CDH23: variants seen among roughly 807,000 people sequenced by gnomAD.
CDH23 encodes cadherin-23.
In CDH23, 189 loss-of-function variants were observed where a neutral mutation model predicts 317.1. The observed-to-expected ratio is 0.60, with a 90% confidence interval of 0.53 to 0.67. The LOEUF (loss-of-function observed/expected upper bound fraction) is 0.67, where lower values mean the gene tolerates loss of function less well. Among genes scored for constraint, CDH23 ranks in the 30% least tolerant of loss-of-function variants. The pLI is 0.00. For synonymous variants in CDH23, 1,839 were observed against 1,876.8 expected (o/e 0.98, Z 0.52); for missense variants, 4,401 against 4,592.4 (o/e 0.96, Z 1.20).
intron 34 of CDH23, chr10:71,737,637 G>A (rs537322695): frequency 5.6e-5 from 26 of 463,580 alleles, no homozygotes; most frequent in South Asian, 3.6e-4. Flanking sequence ...CTGGCCTGGG[G>A]CAGGGCAGTG....
chr10:71,674,781 A>C (rs10823821), intron 14 of CDH23, among the ~76,000 whole-genome samples: 57,098 of 152,090 alleles, frequency 0.38, 12,170 homozygotes, highest in Non-Finnish European at 0.49. Context: ...TGCCAGGGAC[A>C]ATATGGAAGC....
rs1858335691 is a variant in CDH23 at position 71,577,969 on chromosome 10, G to A, written c.809G>A (p.Gly270Asp). 6.2e-7 allele frequency: 1 copy of A among 1,603,360 alleles called. No homozygotes were observed. Among genetic ancestry groups the A allele is most frequent in the Non-Finnish European group, 8.5e-7 (1 of 1,175,108 alleles). ...AIDQDKGRPR[G>D]IGYTIVSGNT... The stretch of plus-strand genomic sequence containing the variant: ...GACCAGGATAAAGGACGTCCCCGGG[G>A]CATTGGCTACACCATCGTTTCAGGT... Residue 270 changes from glycine (G) to aspartate (D), a missense_variant, in exon 9 of 70, where the codon GGC (glycine) becomes GAC (aspartate). Transcript: ENST00000224721.
chr10:71,442,129 G>C (rs914987459), intron 2 of CDH23, among the ~76,000 whole-genome samples: 1 of 152,318 alleles, frequency 6.6e-6, no homozygotes, highest in Admixed American at 6.5e-5. Context: ...TTCTCTAAGG[G>C]GAGCAAAATG....
chr10:71,610,407 G>A (rs1233634104), intron 9 of CDH23, among the ~76,000 whole-genome samples: 1 of 152,178 alleles, frequency 6.6e-6, no homozygotes, highest in East Asian at 1.9e-4. Context: ...CATAGCACAG[G>A]GCCAGGTGCA....
At chr10:71,461,361 G>A (rs1850974830) in intron 3 of CDH23, among the ~76,000 whole-genome samples, 1 of 152,202 alleles carries the variant, frequency 6.6e-6, no homozygotes, top group South Asian at 2.1e-4. Flanking sequence ...CAGTTCTATG[G>A]GTGATGCCTT....
chr10:71,609,311 T>TCCCTCC lies in CDH23; in HGVS notation c.833-6192_833-6187dup, dbSNP rs1206138489. On this transcript the variant is annotated intron_variant, in intron 9 of 69. Coordinates refer to ENST00000224721, the MANE Select transcript of CDH23 (RefSeq NM_022124.6). ...TTCTCTCTCCCTCTCCCTCTCCCTC[T>TCCCTCC]CCCTCCGACCACCTAGAAAACAGCA... Among the ~76,000 whole-genome samples the TCCCTCC allele has an allele frequency of 6.1e-5, 9 of 148,756 alleles. No homozygotes were observed. In the East Asian group the frequency reaches 1.2e-3, roughly 20 times the overall value.
At chr10:71,560,888 A>G (rs2132340628) in intron 6 of CDH23, among the ~76,000 whole-genome samples, 1 of 152,360 alleles carries the variant, frequency 6.6e-6, no homozygotes, top group African/African-American at 2.4e-5. Flanking sequence ...GCATCTAGCA[A>G]GCATTCCATA....
At chr10:71,430,826 C>T (rs1849336234) in intron 1 of CDH23, among the ~76,000 whole-genome samples, 1 of 152,080 alleles carries the variant, frequency 6.6e-6, no homozygotes, top group African/African-American at 2.4e-5. Context: ...AAAGAACAGC[C>T]TAAATGTCCA....
At chr10:71,486,099 G>A (rs987394295) in intron 3 of CDH23, among the ~76,000 whole-genome samples, 18 of 152,206 alleles carry the variant, frequency 1.2e-4, no homozygotes, top group African/African-American at 4.3e-4. Flanking sequence ...AGATGTCAGT[G>A]ACAACTTATT....
At chr10:71,709,266 G>A in intron 27 of CDH23, 55 bp downstream of exon 27, 2 of 1,517,208 alleles carry the variant, frequency 1.3e-6, no homozygotes, top group South Asian at 1.1e-5. Flanking sequence ...GTTCACACAG[G>A]GTGCCTCCCA....
intron 2 of CDH23, among the ~76,000 whole-genome samples, chr10:71,442,284 T>C (rs1849926276): frequency 6.6e-6 from 1 of 152,182 alleles, no homozygotes; most frequent in African/African-American, 2.4e-5. Context: ...CTTGGCACAG[T>C]CACCTCTTTC....
intron 2 of CDH23, among the ~76,000 whole-genome samples, chr10:71,443,655 G>T (rs749697754): frequency 6.6e-6 from 1 of 152,246 alleles, no homozygotes; most frequent in Non-Finnish European, 1.5e-5. Context: ...GGTGGGCCAC[G>T]TGGGGCTTGG....
chr10:71,462,872 A>C (rs928378217), intron 3 of CDH23, among the ~76,000 whole-genome samples: 2 of 152,248 alleles, frequency 1.3e-5, no homozygotes, highest in African/African-American at 4.8e-5. Context: ...ATCTTCAGAC[A>C]CAGGCAACCA....
chr10:71,815,386 TTGGGGACAACCTTGGCTTGGCCC>T lies in CDH23; in HGVS notation c.*112_*134del. ...GGGGGGGACCCTCCAAGGCCAGGCC[TTGGGGACAACCTTGGCTTGGCCC>T]TGGCAGCCCGCATCAGCTGCTCAGA... On this transcript the variant is annotated 3_prime_UTR_variant, in exon 70 of 70. Coordinates refer to ENST00000224721, the MANE Select transcript of CDH23 (RefSeq NM_022124.6). The T allele has an allele frequency of 9.0e-7, 1 of 1,113,512 alleles. No homozygotes were observed. The highest frequency in any genetic ancestry group is 1.2e-6 in the Non-Finnish European group (1 of 805,042). The allele number at this position is 1,113,512 out of a possible 1,614,324, so 69.0% of individuals were successfully genotyped here. A position where few individuals can be genotyped will look rare whatever the true frequency, so the allele number is the denominator to read the frequency against.
intron 22 of CDH23, among the ~76,000 whole-genome samples, chr10:71,698,046 G>C (rs1185328773): frequency 6.6e-6 from 1 of 152,216 alleles, no homozygotes; most frequent in Non-Finnish European, 1.5e-5. Context: ...GGCAGCTTTA[G>C]TAACTATGAA....
At chr10:71,511,061 T>G in intron 5 of CDH23, 59 bp from the exon 6 acceptor site, 1 of 1,610,346 alleles carries the variant, frequency 6.2e-7, no homozygotes, top group Non-Finnish European at 8.5e-7. Flanking sequence ...TCTGGACCCC[T>G]AGGGTGGAAG....
intron 6 of CDH23, among the ~76,000 whole-genome samples, chr10:71,520,774 T>G (rs1365599124): frequency 2.0e-5 from 3 of 152,200 alleles, no homozygotes; most frequent in Admixed American, 1.3e-4. Flanking sequence ...AGTTTTTATC[T>G]TGGTCCCTTC....
intron 1 of CDH23, among the ~76,000 whole-genome samples, chr10:71,423,659 C>G (rs1848915639): frequency 6.6e-6 from 1 of 152,282 alleles, no homozygotes; most frequent in South Asian, 2.1e-4. Flanking sequence ...GCCTAAGCCC[C>G]AAATTTCTAG....
At chr10:71,538,548 A>T (rs1409335645) in intron 6 of CDH23, among the ~76,000 whole-genome samples, 1 of 152,066 alleles carries the variant, frequency 6.6e-6, no homozygotes, top group African/African-American at 2.4e-5. Context: ...CATGTCCAAC[A>T]TATTTTTTTT....
Sources: allele counts gnomAD v4.1 joint callset (sites outside exome capture counted in the v4.1 genomes callset), GRCh38; gene constraint gnomAD v4.1.1; transcripts MANE v1.5; gene names NCBI Gene and HGNC (gene_info 2026-07-23, HGNC 2026-07-21).